Variants in PLEKHH2 observed in about 807,000 individuals in gnomAD.
The protein encoded by PLEKHH2 is pleckstrin homology, MyTH4 and FERM domain containing H2.
A neutral mutation model predicts 187.9 loss-of-function variants in PLEKHH2; 129 were observed. The observed-to-expected ratio is 0.69, with a 90% confidence interval of 0.59 to 0.79. The LOEUF (loss-of-function observed/expected upper bound fraction) is 0.79, where lower values mean the gene tolerates loss of function less well. Ranked by LOEUF, PLEKHH2 falls within the 30% of genes least tolerant of loss-of-function variation. PLEKHH2 has a pLI of 0.00. For synonymous variants in PLEKHH2, 686 were observed against 605.6 expected (o/e 1.13, Z -1.95); for missense variants, 2,076 against 1,751.2 (o/e 1.19, Z -3.31).
chr2:43,757,224 C>T lies in PLEKHH2; in HGVS notation c.3901C>T (p.Pro1301Ser), dbSNP rs746867539. 1 of 1,600,886 alleles carries T rather than the reference C, an allele frequency of 6.2e-7. No homozygotes were observed. Among genetic ancestry groups the T allele is most frequent in the Admixed American group, 1.7e-5 (1 of 57,686 alleles). The change falls in exon 26 of 30, where the codon CCT becomes TCT. Residue 1301 changes from proline to serine, a missense_variant. Coordinates refer to ENST00000282406, the MANE Select transcript of PLEKHH2 (RefSeq NM_172069.4). The part of the protein sequence containing the change: ...TLKQVIEKFY[P>S]KRYRDGCSEE... Reference sequence around the variant, plus strand: ...AAAGCAAGTCATAGAGAAATTTTATCCTAAAAGGTATAGAGATGGCTGTTC... The same window carrying T: ...AAAGCAAGTCATAGAGAAATTTTATTCTAAAAGGTATAGAGATGGCTGTTC...
At chr2:43,763,779 T>C (rs569177881) in intron 28 of PLEKHH2, among the ~76,000 whole-genome samples, 15 of 152,226 alleles carry the variant, frequency 9.9e-5, no homozygotes, top group Admixed American at 9.2e-4. Flanking sequence ...CGTGATACTG[T>C]TTCTGTTTAT....
In PLEKHH2 at chr2:43,754,165, T is replaced by TACACACACAC. The variant is rs373399236; in HGVS notation, c.3795+437_3795+446dup. On this transcript the variant is annotated intron_variant, in intron 25 of 29. Transcript: ENST00000282406. ...TCAGCTAGGATTAAGTTCAATCTTC[T>TACACACACAC]ACACACACACACACACACACACACA... Among the ~76,000 whole-genome samples the TACACACACAC allele has an allele frequency of 1.2e-4, 14 of 118,082 alleles. 1 individual carries two copies. Among genetic ancestry groups the TACACACACAC allele is most frequent in the African/African-American group, 1.9e-4 (4 of 21,198 alleles). 77.5% of individuals were successfully genotyped at this position (118,082 alleles called of 152,430 possible). A position where few individuals can be genotyped will look rare whatever the true frequency, so the allele number is the denominator to read the frequency against.
chr2:43,736,576 G>C (rs1212347875), intron 19 of PLEKHH2, among the ~76,000 whole-genome samples: 1 of 152,082 alleles, frequency 6.6e-6, no homozygotes, highest in Non-Finnish European at 1.5e-5. Flanking sequence ...GGCTCACCCT[G>C]TAACCCCAGC....
rs1228949910 is a variant in PLEKHH2 at position 43,707,563 on chromosome 2, G to T, written c.1966+18G>T. The stretch of plus-strand genomic sequence containing the variant: ...GAAACGAGGTGAGGGAAAATCGCAG[G>T]CATATGAGGCAACTCCAGATCATTC... On this transcript the variant is annotated intron_variant, in intron 11 of 29. Transcript: ENST00000282406. 1.4e-5 allele frequency: 23 copies of T among 1,613,136 alleles called. No homozygotes were observed. In the Middle Eastern group the frequency reaches 2.0e-3, roughly 138 times the overall value.
chr2:43,644,231 A>G (rs1242821084), intron 1 of PLEKHH2, among the ~76,000 whole-genome samples: 1 of 152,150 alleles, frequency 6.6e-6, no homozygotes, highest in Non-Finnish European at 1.5e-5. Context: ...TAAAATTATG[A>G]GCTGATAGAT....
intron 14 of PLEKHH2, chr2:43,710,873 G>T: frequency 8.8e-7 from 1 of 1,142,682 alleles, no homozygotes; most frequent in Non-Finnish European, 1.1e-6. Context: ...GCTATTTTAA[G>T]GAAGGGTTAT....
At position 43,700,715 on chromosome 2, in the gene PLEKHH2, C is replaced by T. The variant is rs1336363094; in HGVS notation, c.1650+107C>T. 1.2e-5 allele frequency: 16 copies of T among 1,385,956 alleles called. 1 individual carries two copies. In the South Asian group the frequency reaches 1.7e-4, roughly 14 times the overall value. The allele number at this position is 1,385,956 out of a possible 1,614,324, so 85.9% of individuals were successfully genotyped here. ...TCGCCCAAGCTGGAGTGCAGTGGCG[C>T]GATCTTGGCTCACTGCAACCTCCAT... On this transcript the variant is annotated intron_variant, in intron 8 of 29. Coordinates refer to ENST00000282406, the MANE Select transcript of PLEKHH2 (RefSeq NM_172069.4).
At chr2:43,763,586 ATTTTTTTTTT>A (rs541418802) in intron 28 of PLEKHH2, among the ~76,000 whole-genome samples, 1 of 130,372 alleles carries the variant, frequency 7.7e-6, no homozygotes, top group Non-Finnish European at 1.6e-5. Flanking sequence ...TGCCCGGCTA[ATTTTTTTTTT>A]TTTTTTTTTC....
At chr2:43,675,319 G>T in intron 2 of PLEKHH2, 2 of 1,217,512 alleles carry the variant, frequency 1.6e-6, no homozygotes. Context: ...ATCAGAATTT[G>T]GACTAGCCAC....
chr2:43,703,840 A>G (rs373079946), intron 8 of PLEKHH2, 141 bp from the exon 9 acceptor site: 1 of 546,074 alleles, frequency 1.8e-6, no homozygotes, highest in Non-Finnish European at 3.2e-6. Context: ...GGCACCGATG[A>G]TGGTTTTATA....
Position 43,720,716 on chromosome 2 carries a change from G to C in PLEKHH2, c.2508G>C (p.Lys836Asn), listed in dbSNP as rs1327551774. The C allele has an allele frequency of 1.9e-6, 3 of 1,608,506 alleles. No individual in the cohort carries two copies. Among genetic ancestry groups the C allele is most frequent in the Non-Finnish European group, 2.5e-6 (3 of 1,178,450 alleles). The change falls in exon 16 of 30, where the codon AAG becomes AAC. Residue 836 changes from lysine (K) to asparagine (N), a missense_variant. Physicochemically the swap from Lys to Asn is moderately conservative, Grantham distance 94 (BLOSUM62 0). Transcript: ENST00000282406. Reference sequence around the variant, plus strand: ...GAGTCTGGTGTACACTAATAGGAAAGACATTATATTATTTTCGGAGTCAAG... The same window carrying C: ...GAGTCTGGTGTACACTAATAGGAAACACATTATATTATTTTCGGAGTCAAG... ...SKRVWCTLIG[K>N]TLYYFRSQED...
chr2:43,654,338 G>T (rs565837475), intron 2 of PLEKHH2, among the ~76,000 whole-genome samples: 2 of 151,962 alleles, frequency 1.3e-5, no homozygotes, highest in African/African-American at 4.8e-5. Flanking sequence ...GGGACTACAG[G>T]TGTGCACCAC....
At chr2:43,672,741 T>C (rs1422421501) in intron 2 of PLEKHH2, among the ~76,000 whole-genome samples, 1 of 152,246 alleles carries the variant, frequency 6.6e-6, no homozygotes, top group African/African-American at 2.4e-5. Context: ...TGCAAGTTTC[T>C]AACACCCATT....
intron 2 of PLEKHH2, among the ~76,000 whole-genome samples, chr2:43,669,833 G>C (rs1181908909): frequency 6.6e-6 from 1 of 151,790 alleles, no homozygotes; most frequent in Non-Finnish European, 1.5e-5. Context: ...CAGCCTCCCA[G>C]AAACTTTTAA....
rs1271657730 is a variant in PLEKHH2 at position 43,726,278 on chromosome 2, T to G, written c.2548T>G (p.Leu850Val). The G allele has an allele frequency of 1.2e-6, 2 of 1,604,234 alleles. No homozygotes were observed. Among genetic ancestry groups the G allele is most frequent in the Non-Finnish European group, 8.5e-7 (1 of 1,171,530 alleles). Residue 850 changes from leucine to valine, a missense_variant, in exon 17 of 30, where the codon TTA (leucine) becomes GTA (valine). Physicochemically the swap from Leu to Val is conservative, Grantham distance 32. Coordinates refer to ENST00000282406, the MANE Select transcript of PLEKHH2 (RefSeq NM_172069.4). ...YFRSQEDKFP[L>V]GQIKLWEAKV... ...TTACTAATATTTACTTTAGTTTCCT[T>G]TAGGTCAGATCAAACTCTGGGAGGC...
At chr2:43,713,660 G>GTTTTT (rs71410202) in intron 15 of PLEKHH2, among the ~76,000 whole-genome samples, 1 of 133,992 alleles carries the variant, frequency 7.5e-6, no homozygotes. Context: ...GCTTAATTCT[G>GTTTTT]TTTTTTTTTT....
Position 43,741,080 on chromosome 2 carries a change from G to A in PLEKHH2, c.3221+37G>A, listed in dbSNP as rs78454590. 1,696 of 1,533,650 alleles carry A rather than the reference G, an allele frequency of 1.1e-3. 24 individuals are homozygous for A. The African/African-American group carries it at 0.021, about 19-fold the overall frequency. On this transcript the variant is annotated intron_variant, in intron 21 of 29. Transcript: ENST00000282406. ...ACTAGCCAGCTGAACTGTTTATGTG[G>A]CCTCTGAAAGTCTACGATAAATCAT...
intron 1 of PLEKHH2, among the ~76,000 whole-genome samples, chr2:43,637,640 C>T (rs1433157437): frequency 6.6e-6 from 1 of 152,104 alleles, no homozygotes; most frequent in Non-Finnish European, 1.5e-5. Flanking sequence ...CGGTCCCTCG[C>T]GCCCGTGGGC....
intron 1 of PLEKHH2, among the ~76,000 whole-genome samples, chr2:43,639,713 A>G (rs6735225): frequency 0.61 from 88,245 of 145,662 alleles, 27,389 homozygotes; most frequent in African/African-American, 0.72. Context: ...CTGGAGTGCA[A>G]TGGCAGGATC....
Sources: allele counts gnomAD v4.1 joint callset (sites outside exome capture counted in the v4.1 genomes callset), GRCh38; gene constraint gnomAD v4.1.1; transcripts MANE v1.5; gene names NCBI Gene and HGNC (gene_info 2026-07-23, HGNC 2026-07-21).